The following KLF12 variants were observed in gnomAD, a reference collection of about 807,000 sequenced individuals.
KLF12 encodes Krueppel-like factor 12.
In KLF12, 9 loss-of-function variants were observed where a neutral mutation model predicts 37.8. The ratio of observed to expected loss-of-function variants is 0.24; its 90% confidence interval spans 0.14 to 0.42. The LOEUF is 0.42. Among genes scored for constraint, KLF12 ranks in the 10% least tolerant of loss-of-function variants. KLF12 has a pLI of 1.00. For synonymous variants in KLF12, 208 were observed against 202.1 expected, an observed-to-expected ratio of 1.03 and a Z score of -0.25; for missense variants, 411 against 516.0, an observed-to-expected ratio of 0.80 and a Z score of 1.97.
chr13:74,192,393 G>C, the KLF12 span, among the ~76,000 whole-genome samples: 8 of 152,108 alleles, frequency 5.3e-5, no homozygotes, highest in Non-Finnish European at 8.8e-5. Flanking sequence ...TTTCAGATAC[G>C]ACTACAGTCC....
At chr13:74,186,447 A>G in the KLF12 span, among the ~76,000 whole-genome samples, 1 of 152,140 alleles carries the variant, frequency 6.6e-6, no homozygotes, top group African/African-American at 2.4e-5. Flanking sequence ...CCAAAAGACC[A>G]AGCAGTAGCC....
At chr13:73,853,025 A>G (rs112077203) in intron 3 of KLF12, among the ~76,000 whole-genome samples, 4,406 of 151,728 alleles carry the variant, frequency 0.029, 221 homozygotes, top group African/African-American at 0.099. Context: ...GCCCGCCACC[A>G]TGCGGCTAAT....
At chr13:74,149,137 C>G in the KLF12 span, among the ~76,000 whole-genome samples, 2 of 152,140 alleles carry the variant, frequency 1.3e-5, no homozygotes, top group Admixed American at 6.6e-5. Flanking sequence ...TCTTAACAAT[C>G]TCAGCCCACT....
chr13:74,225,767 A>T, the KLF12 span, among the ~76,000 whole-genome samples: 1 of 152,166 alleles, frequency 6.6e-6, no homozygotes, highest in Non-Finnish European at 1.5e-5. Flanking sequence ...GGAGAAAGTA[A>T]TTTTGTCAGG....
intron 2 of KLF12, among the ~76,000 whole-genome samples, chr13:73,970,065 T>C (rs1472513276): frequency 6.6e-6 from 1 of 152,168 alleles, no homozygotes; most frequent in Non-Finnish European, 1.5e-5. Flanking sequence ...TTATAGGTCC[T>C]TAATTTGATA....
chr13:73,966,013 C>T (rs935688105), intron 2 of KLF12, among the ~76,000 whole-genome samples: 1 of 152,196 alleles, frequency 6.6e-6, no homozygotes, highest in Non-Finnish European at 1.5e-5. Context: ...CAATTGTTAA[C>T]TCTTGGAATT....
intron 1 of KLF12, among the ~76,000 whole-genome samples, chr13:74,122,691 A>G (rs944231015): frequency 6.6e-6 from 1 of 152,142 alleles, no homozygotes; most frequent in African/African-American, 2.4e-5. Flanking sequence ...GGAATACAAT[A>G]TAACAAATTT....
chr13:74,147,476 T>A, the KLF12 span, among the ~76,000 whole-genome samples: 1 of 152,232 alleles, frequency 6.6e-6, no homozygotes, highest in African/African-American at 2.4e-5. Flanking sequence ...TCTGGGAGAC[T>A]GGGCCACATA....
chr13:73,721,808 G>A (rs1443462771), intron 6 of KLF12, among the ~76,000 whole-genome samples: 6 of 86,926 alleles, frequency 6.9e-5, no homozygotes, highest in South Asian at 7.3e-4. Flanking sequence ...CCACTTCGGC[G>A]TCCCAGTGTT....
intron 5 of KLF12, among the ~76,000 whole-genome samples, chr13:73,807,239 G>A (rs1882693225): frequency 2.0e-5 from 3 of 151,964 alleles, no homozygotes; most frequent in South Asian, 4.2e-4. Context: ...AACCCAGGAG[G>A]TGGAGGTTGC....
intron 1 of KLF12, among the ~76,000 whole-genome samples, chr13:74,058,501 G>A (rs188738532): frequency 1.8e-4 from 28 of 151,410 alleles, no homozygotes; most frequent in Middle Eastern, 3.4e-3. Flanking sequence ...GACTACAGGC[G>A]CCCGCCACCA....
chr13:73,827,878 G>T (rs1409344216), intron 4 of KLF12, among the ~76,000 whole-genome samples: 1 of 152,042 alleles, frequency 6.6e-6, no homozygotes, highest in Non-Finnish European at 1.5e-5. Context: ...CAGAATTTTG[G>T]TGCATGTTTT....
chr13:73,980,783 A>C (rs1403413001), intron 2 of KLF12, among the ~76,000 whole-genome samples: 1 of 152,236 alleles, frequency 6.6e-6, no homozygotes, highest in Non-Finnish European at 1.5e-5. Flanking sequence ...AACGCACACC[A>C]GATTGAAAAA....
Position 74,035,446 on chromosome 13 carries a change from T to C in KLF12, c.-31-40393A>G, listed in dbSNP as rs184141322. On this transcript the variant is annotated intron_variant, in intron 1 of 7. Transcript: ENST00000377669. ...GAATGATGATTATTTTTGATCCCCA[T>C]TGCAGGAGCTGGCATCCAAATAGGT... is the stretch of plus-strand genomic sequence containing the variant. 2.1e-3 allele frequency among the ~76,000 whole-genome samples: 327 copies of C among 152,306 alleles called. 4 individuals are homozygous for C. Among genetic ancestry groups the C allele is most frequent in the African/African-American group, 7.5e-3 (312 of 41,572 alleles).
intron 6 of KLF12, among the ~76,000 whole-genome samples, chr13:73,764,023 T>G (rs769518109): frequency 6.6e-6 from 1 of 152,106 alleles, no homozygotes; most frequent in Non-Finnish European, 1.5e-5. Context: ...TTATTTTGTG[T>G]CTAAAAATAA....
At chr13:73,715,197 T>C (rs1282510271) in intron 7 of KLF12, among the ~76,000 whole-genome samples, 171 bp downstream of exon 7, 2 of 152,166 alleles carry the variant, frequency 1.3e-5, no homozygotes, top group Non-Finnish European at 1.5e-5. Flanking sequence ...CTTCACTGGT[T>C]TCTCAAGTTT....
At chr13:74,280,224 A>T in the KLF12 span, among the ~76,000 whole-genome samples, 34 of 152,202 alleles carry the variant, frequency 2.2e-4, no homozygotes, top group African/African-American at 8.2e-4. Flanking sequence ...ATTAGGACAC[A>T]GTTGCTCAGA....
At chr13:74,227,516 A>T in the KLF12 span, among the ~76,000 whole-genome samples, 1 of 151,938 alleles carries the variant, frequency 6.6e-6, no homozygotes, top group Admixed American at 6.6e-5. Flanking sequence ...ATAATAACTT[A>T]TTTTCAGTGG....
chr13:73,853,484 T>C (rs1885442549), intron 3 of KLF12, among the ~76,000 whole-genome samples: 1 of 152,110 alleles, frequency 6.6e-6, no homozygotes, highest in Non-Finnish European at 1.5e-5. Flanking sequence ...GGTTTACACC[T>C]GTAATCCTAG....
Sources: allele counts gnomAD v4.1 joint callset (sites outside exome capture counted in the v4.1 genomes callset), GRCh38; gene constraint gnomAD v4.1.1; transcripts MANE v1.5; gene names NCBI Gene and HGNC (gene_info 2026-07-23, HGNC 2026-07-21).